The following SLC22A23 variants were observed in gnomAD, a reference collection of about 807,000 sequenced individuals.
SLC22A23 encodes ion transporter protein.
In SLC22A23, 26 loss-of-function variants were observed where a neutral mutation model predicts 61.0. That is an observed-to-expected ratio of 0.43 (90% CI 0.31 to 0.59). The LOEUF (loss-of-function observed/expected upper bound fraction) is 0.59, where lower values mean the gene tolerates loss of function less well. Among genes scored for constraint, SLC22A23 ranks in the 20% least tolerant of loss-of-function variants. SLC22A23 has a pLI of 0.11. For synonymous variants in SLC22A23, 430 were observed against 413.9 expected (o/e 1.04, Z -0.47); for missense variants, 796 against 934.7 (o/e 0.85, Z 1.94).
chr6:3,276,370 C>T (rs1758903510), intron 9 of SLC22A23, among the ~76,000 whole-genome samples: 1 of 152,244 alleles, frequency 6.6e-6, no homozygotes, highest in African/African-American at 2.4e-5. Flanking sequence ...TCCTCAGGGC[C>T]TCCACTCCAG....
At chr6:3,440,283 G>A (rs183648607) in intron 1 of SLC22A23, among the ~76,000 whole-genome samples, 18 of 152,252 alleles carry the variant, frequency 1.2e-4, no homozygotes, top group South Asian at 4.1e-4. Context: ...AAGCTCCAGC[G>A]TTGAAGCTGT....
chr6:3,322,506 G>C lies in SLC22A23; in HGVS notation c.1082+1328C>G, dbSNP rs944615960. Among the ~76,000 whole-genome samples, 1 of 152,302 alleles carries C rather than the reference G, an allele frequency of 6.6e-6. No individual in the cohort carries two copies. Among genetic ancestry groups the C allele is most frequent in the Admixed American group, 6.5e-5 (1 of 15,308 alleles). ...GGGAGGGGTTTGGACATCCAACTTCGGGACAAGAGCTGGAGGCGGCCCCAG... is the reference window on the plus strand; with the variant it reads ...GGGAGGGGTTTGGACATCCAACTTCCGGACAAGAGCTGGAGGCGGCCCCAG... On this transcript the variant is annotated intron_variant, in intron 4 of 9. Transcript: ENST00000406686. This position sits in a 1 kb window ranked among gnomAD's most constrained non-coding sequence, Gnocchi z 4.1.
chr6:3,281,492 A>T (rs7750434), intron 9 of SLC22A23, among the ~76,000 whole-genome samples: 2 of 152,104 alleles, frequency 1.3e-5, no homozygotes, highest in African/African-American at 4.8e-5. Flanking sequence ...TTCATATCCT[A>T]ATATTTGCTT....
At chr6:3,440,251 C>T (rs1198767260) in intron 1 of SLC22A23, among the ~76,000 whole-genome samples, 1 of 152,184 alleles carries the variant, frequency 6.6e-6, no homozygotes, top group East Asian at 1.9e-4. Flanking sequence ...GCTCTGCTGT[C>T]ATGAGCTGTA....
intron 3 of SLC22A23, among the ~76,000 whole-genome samples, chr6:3,404,840 G>A (rs9378790): frequency 6.6e-6 from 1 of 152,234 alleles, no homozygotes; most frequent in East Asian, 1.9e-4. Context: ...CAGTTTGCCC[G>A]CAGGGTTAGT....
intron 9 of SLC22A23, 66 bp downstream of exon 9, chr6:3,283,785 TG>T: frequency 6.2e-7 from 1 of 1,602,896 alleles, no homozygotes; most frequent in Non-Finnish European, 8.5e-7. Context: ...CACACCAGCC[TG>T]GAGCCAGGGA....
intron 4 of SLC22A23, among the ~76,000 whole-genome samples, chr6:3,320,109 C>T (rs968064333): frequency 2.0e-5 from 3 of 152,168 alleles, no homozygotes; most frequent in Admixed American, 6.5e-5. Context: ...TGTTGAAACC[C>T]AGAGTCCTCA....
chr6:3,344,355 C>T (rs1024428455), intron 3 of SLC22A23, among the ~76,000 whole-genome samples: 1 of 152,154 alleles, frequency 6.6e-6, no homozygotes, highest in African/African-American at 2.4e-5. Context: ...ATAGAGAATA[C>T]CCAAAACAGC....
At chr6:3,432,796 T>C (rs1453776233) in intron 1 of SLC22A23, among the ~76,000 whole-genome samples, 1 of 152,216 alleles carries the variant, frequency 6.6e-6, no homozygotes, top group Non-Finnish European at 1.5e-5. Flanking sequence ...TACAGTTCGT[T>C]GCTCTTTTTA....
chr6:3,300,190 T>C (rs1485187246), intron 4 of SLC22A23, among the ~76,000 whole-genome samples: 1 of 151,928 alleles, frequency 6.6e-6, no homozygotes, highest in African/African-American at 2.4e-5. Flanking sequence ...TTTGTATTTT[T>C]AGTACAGATG....
At chr6:3,365,666 T>A (rs1254278206) in intron 3 of SLC22A23, among the ~76,000 whole-genome samples, 2 of 152,198 alleles carry the variant, frequency 1.3e-5, no homozygotes, top group African/African-American at 2.4e-5. Flanking sequence ...TCTTGGATTT[T>A]CCAGGAGAAT....
At chr6:3,426,923 G>A (rs576649456) in intron 1 of SLC22A23, among the ~76,000 whole-genome samples, 1 of 152,300 alleles carries the variant, frequency 6.6e-6, no homozygotes, top group Non-Finnish European at 1.5e-5. Context: ...GTCTTCATTG[G>A]GTTGGACTCT....
At chr6:3,295,421 C>CAGAG (rs59971808) in intron 5 of SLC22A23, among the ~76,000 whole-genome samples, 49,663 of 151,680 alleles carry the variant, frequency 0.33, 13,029 homozygotes, top group African/African-American at 0.72. Flanking sequence ...AGGCAGAGAT[C>CAGAG]AGAGCCTCTG....
chr6:3,379,650 A>G (rs541887267), intron 3 of SLC22A23, among the ~76,000 whole-genome samples: 1 of 152,172 alleles, frequency 6.6e-6, no homozygotes, highest in South Asian at 2.1e-4. Flanking sequence ...CTTTCCCCCA[A>G]TACTAAAATT....
At chr6:3,450,097 G>A (rs1034930305) in intron 1 of SLC22A23, among the ~76,000 whole-genome samples, 2 of 152,238 alleles carry the variant, frequency 1.3e-5, no homozygotes, top group African/African-American at 4.8e-5. Flanking sequence ...GGGGATGTGA[G>A]AAACTGGTAA....
chr6:3,456,352 C>A lies in SLC22A23; in HGVS notation c.208G>T (p.Ala70Ser). The change falls in exon 1 of 10, where the codon GCT (alanine) becomes TCT (serine). Residue 70 changes from alanine to serine, a missense_variant. Coordinates refer to ENST00000406686, the MANE Select transcript of SLC22A23 (RefSeq NM_015482.2). The surrounding 1 kb of genome is among the most constrained non-coding windows in gnomAD (Gnocchi z 7.1). ...GGPHPSCCSA[A>S]AAPSLLLLDY... ...AGCAACAAGAGGCTCGGGGCCGCAG[C>A]CGCGGAGCAGCAGCTCGGGTGCGGG... The A allele has an allele frequency of 6.5e-7, 1 of 1,547,838 alleles. No homozygotes were observed. The highest frequency in any genetic ancestry group is 8.7e-7 in the Non-Finnish European group (1 of 1,145,880).
In SLC22A23 at chr6:3,372,888, C is replaced by A. The variant is rs1420555005; in HGVS notation, c.913+37300G>T. Among the ~76,000 whole-genome samples the A allele has an allele frequency of 1.3e-5, 2 of 152,206 alleles. No individual in the cohort carries two copies. Among genetic ancestry groups the A allele is most frequent in the Admixed American group, 6.5e-5 (1 of 15,284 alleles). On this transcript the variant is annotated intron_variant, in intron 3 of 9. Transcript: ENST00000406686. This position sits in a 1 kb window ranked among gnomAD's most constrained non-coding sequence, Gnocchi z 4.7. ...ACACTAAGTGAGAGTCAGGATTCTT[C>A]CGTAAAACTCCAATTAGCCAAAAGC...
Position 3,330,990 on chromosome 6 carries a change from C to A in SLC22A23, c.914-6988G>T, listed in dbSNP as rs186070458. ...ATGTCTGCACTACTAGGCGAAGTAA[C>A]AGCTCTCACTTGCTGAAAGCTAAAT... On this transcript the variant is annotated intron_variant, in intron 3 of 9. Transcript: ENST00000406686. The surrounding 1 kb of genome is among the most constrained non-coding windows in gnomAD (Gnocchi z 4.7). Among the ~76,000 whole-genome samples the A allele has an allele frequency of 1.6e-4, 25 of 152,364 alleles. No homozygotes were observed. Among genetic ancestry groups the A allele is most frequent in the African/African-American group, 6.0e-4 (25 of 41,592 alleles).
At chr6:3,405,250 G>A (rs190300817) in intron 3 of SLC22A23, among the ~76,000 whole-genome samples, 1 of 150,860 alleles carries the variant, frequency 6.6e-6, no homozygotes, top group African/African-American at 2.5e-5. Flanking sequence ...GACAGTGCGA[G>A]ACTGTCTCAA....
Sources: allele counts gnomAD v4.1 joint callset (sites outside exome capture counted in the v4.1 genomes callset), GRCh38; gene constraint gnomAD v4.1.1; non-coding constraint Gnocchi (gnomAD v3.1); transcripts MANE v1.5; gene names NCBI Gene and HGNC (gene_info 2026-07-23, HGNC 2026-07-21).